The following CCDC174 variants were observed in gnomAD, a reference collection of about 807,000 sequenced individuals.
The protein encoded by CCDC174 is coiled-coil domain-containing protein 174.
A neutral mutation model predicts 57.1 loss-of-function variants in CCDC174; 37 were observed. The ratio of observed to expected loss-of-function variants is 0.65; its 90% CI spans 0.50 to 0.85. CCDC174 has a LOEUF of 0.85. CCDC174 is among the 40% of genes least tolerant of loss of function. The probability of loss-of-function intolerance (pLI) is 0.00; values close to 1 mark genes in which losing one functional copy is unlikely to be tolerated. For missense variants in CCDC174, 540 were observed against 574.3 expected (o/e 0.94, Z 0.61); for synonymous variants, 182 against 190.2 (o/e 0.96, Z 0.35).
chr3:14,665,940 A>T (rs1464036923), intron 6 of CCDC174, among the ~76,000 whole-genome samples: 1 of 147,810 alleles, frequency 6.8e-6, no homozygotes, highest in African/African-American at 2.5e-5. Flanking sequence ...CAGGAGGCTG[A>T]GGCAGGAGAA....
chr3:14,666,272 G>C (rs2031335782), intron 6 of CCDC174, among the ~76,000 whole-genome samples: 2 of 152,062 alleles, frequency 1.3e-5, no homozygotes, highest in African/African-American at 4.8e-5. Context: ...TTTTTGTCTT[G>C]AGTGCTCAGG....
At chr3:14,656,100 T>G (rs890518158) in intron 3 of CCDC174, among the ~76,000 whole-genome samples, 2 of 152,206 alleles carry the variant, frequency 1.3e-5, no homozygotes, top group African/African-American at 4.8e-5. Flanking sequence ...GACTTTAAGC[T>G]TCATACTTTC....
chr3:14,661,944 G>A, intron 5 of CCDC174: 1 of 430,618 alleles, frequency 2.3e-6, no homozygotes, highest in East Asian at 4.2e-5. Flanking sequence ...TACTGACTGG[G>A]CTTCTGCTGT....
At chr3:14,651,964 AC>A in intron 1 of CCDC174, 86 bp downstream of exon 1, 1 of 1,359,952 alleles carries the variant, frequency 7.4e-7, no homozygotes, top group Non-Finnish European at 1.0e-6. Flanking sequence ...TTGTTTCTTC[AC>A]TCGGGGACCC....
At chr3:14,652,097 G>T (rs2030789373) in intron 1 of CCDC174, among the ~76,000 whole-genome samples, 1 of 152,140 alleles carries the variant, frequency 6.6e-6, no homozygotes, top group South Asian at 2.1e-4. Flanking sequence ...CATGCGCCCG[G>T]GCCAGAACCC....
chr3:14,667,458 T>C lies in CCDC174; in HGVS notation c.759T>C (p.Phe253=). The C allele has an allele frequency of 6.2e-7, 1 of 1,613,954 alleles. No individual in the cohort carries two copies. Among genetic ancestry groups the C allele is most frequent in the Non-Finnish European group, 8.5e-7 (1 of 1,179,968 alleles). ...AACTTGGTGTTGGGTATTTTGCCTTTGCCCGAGACAAAGAGTTGAGAAACA... is the reference window on the plus strand; with the variant it reads ...AACTTGGTGTTGGGTATTTTGCCTTCGCCCGAGACAAAGAGTTGAGAAACA... The part of the protein sequence containing the change: ...ARQLGVGYFA[F]ARDKELRNKQ... Residue 253 remains phenylalanine (F), a synonymous_variant, in exon 8 of 11, where the codon TTT becomes TTC. Coordinates refer to ENST00000383794, the MANE Select transcript of CCDC174 (RefSeq NM_016474.5).
chr3:14,654,800 C>T (rs2030895632), intron 2 of CCDC174, among the ~76,000 whole-genome samples: 1 of 152,078 alleles, frequency 6.6e-6, no homozygotes, highest in Non-Finnish European at 1.5e-5. Flanking sequence ...TTATCTGGTT[C>T]TATAAGTGTT....
chr3:14,669,559 G>A (rs558537619), intron 9 of CCDC174, among the ~76,000 whole-genome samples: 2 of 152,266 alleles, frequency 1.3e-5, no homozygotes, highest in Non-Finnish European at 2.9e-5. Flanking sequence ...TGTTAGTTGA[G>A]TGATTTGGGG....
intron 5 of CCDC174, among the ~76,000 whole-genome samples, chr3:14,662,074 TACCC>T: frequency 6.6e-6 from 1 of 152,312 alleles, no homozygotes; most frequent in South Asian, 2.1e-4. Flanking sequence ...GCTGCTGCCT[TACCC>T]GTGTTCTTGT....
At chr3:14,655,349 C>CT (rs1345965458) in intron 2 of CCDC174, among the ~76,000 whole-genome samples, 180 bp from the exon 3 acceptor site, 18 of 151,426 alleles carry the variant, frequency 1.2e-4, no homozygotes, top group African/African-American at 3.9e-4. Context: ...ATTGAGGGCT[C>CT]TTTTTTTAGC....
chr3:14,667,230 A>G, intron 7 of CCDC174, 194 bp from the exon 8 acceptor site: 2 of 625,588 alleles, frequency 3.2e-6, no homozygotes, highest in East Asian at 5.5e-5. Context: ...TTCCCTTGGC[A>G]AACAGGACGA....
Position 14,671,632 on chromosome 3 carries a change from C to G in CCDC174, c.*438C>G. ...TAGGTCACGAGGAATTTCTCCCTGT[C>G]AAGCAGTGGAAAACTGCATGGGAGG... On this transcript the variant is annotated 3_prime_UTR_variant, in exon 11 of 11. Coordinates refer to ENST00000383794, the MANE Select transcript of CCDC174 (RefSeq NM_016474.5). 6.4e-6 allele frequency: 1 copy of G among 155,040 alleles called. No homozygotes were observed. Among genetic ancestry groups the G allele is most frequent in the East Asian group, 1.9e-4 (1 of 5,256 alleles). The allele number at this position is 155,040 out of a possible 1,614,324, so 9.6% of individuals were successfully genotyped here. A position where few individuals can be genotyped will look rare whatever the true frequency, so the allele number is the denominator to read the frequency against.
At chr3:14,662,188 G>T (rs768832506) in intron 5 of CCDC174, among the ~76,000 whole-genome samples, 2 of 152,188 alleles carry the variant, frequency 1.3e-5, no homozygotes, top group Non-Finnish European at 2.9e-5. Flanking sequence ...CTGTGGTGTG[G>T]ACTCGTGGGC....
In CCDC174 at chr3:14,671,318, G is replaced by A. The variant is rs182592240; in HGVS notation, c.*124G>A. 109 of 1,045,206 alleles carry A rather than the reference G, an allele frequency of 1.0e-4. No homozygotes were observed. The highest frequency in any genetic ancestry group is 1.7e-4 in the East Asian group (7 of 40,522). 64.7% of individuals were successfully genotyped at this position (1,045,206 alleles called of 1,614,324 possible). ...CCTTTCCCTAGGAGGCACAGACTTC[G>A]GGTTGGATTTGTCAGCAAGGAGGAA... On this transcript the variant is annotated 3_prime_UTR_variant, in exon 11 of 11. Transcript: ENST00000383794.
At chr3:14,663,827 G>A (rs899765754) in intron 5 of CCDC174, among the ~76,000 whole-genome samples, 2 of 152,206 alleles carry the variant, frequency 1.3e-5, no homozygotes, top group African/African-American at 4.8e-5. Flanking sequence ...TGAAGAGTTT[G>A]GAGGGCAATT....
chr3:14,661,960 C>T (rs745965858), intron 5 of CCDC174: 6 of 362,422 alleles, frequency 1.7e-5, no homozygotes, highest in Non-Finnish European at 3.0e-5. Context: ...GCTGTGTGCC[C>T]AGCTCTGTGC....
chr3:14,658,267 G>A (rs762978775), intron 3 of CCDC174, among the ~76,000 whole-genome samples: 8 of 152,226 alleles, frequency 5.3e-5, no homozygotes, highest in Non-Finnish European at 1.2e-4. Context: ...TGTGCAATAA[G>A]TACTTGGTGA....
chr3:14,663,286 C>T (rs1037135618), intron 5 of CCDC174, among the ~76,000 whole-genome samples: 37 of 152,202 alleles, frequency 2.4e-4, no homozygotes, highest in Non-Finnish European at 1.2e-4. Flanking sequence ...GTATTACAGG[C>T]GTGAGCCACC....
intron 2 of CCDC174, among the ~76,000 whole-genome samples, chr3:14,654,828 T>C (rs1465793958): frequency 2.0e-5 from 3 of 152,200 alleles, no homozygotes; most frequent in Admixed American, 6.5e-5. Context: ...CAAATAGAGA[T>C]AAACAATTAG....
Sources: allele counts gnomAD v4.1 joint callset (sites outside exome capture counted in the v4.1 genomes callset), GRCh38; gene constraint gnomAD v4.1.1; transcripts MANE v1.5; gene names NCBI Gene and HGNC (gene_info 2026-07-23, HGNC 2026-07-21).